MORN5: variants seen among roughly 807,000 people sequenced by gnomAD.
The protein encoded by MORN5 is MORN repeat-containing protein 5.
A neutral mutation model predicts 22.1 loss-of-function variants in MORN5; 21 were observed. The ratio of observed to expected loss-of-function variants is 0.95; its 90% CI spans 0.67 to 1.37. The LOEUF is 1.37. MORN5 is among the 40% of genes most tolerant of loss of function. The pLI, the probability that MORN5 is intolerant of heterozygous loss-of-function variation, is 0.00. For missense variants in MORN5, 211 were observed against 215.1 expected, an observed-to-expected ratio of 0.98 and a Z score of 0.12; for synonymous variants, 73 against 74.0, an observed-to-expected ratio of 0.99 and a Z score of 0.07.
At chr9:122,191,220 C>T (rs1252492142) in intron 4 of MORN5, among the ~76,000 whole-genome samples, 1 of 152,218 alleles carries the variant, frequency 6.6e-6, no homozygotes, top group South Asian at 2.1e-4. Flanking sequence ...ATGAGCCACA[C>T]ACCATGTGCA....
intron 4 of MORN5, among the ~76,000 whole-genome samples, chr9:122,189,902 G>A (rs995610712): frequency 1.3e-5 from 2 of 152,026 alleles, no homozygotes; most frequent in East Asian, 1.9e-4. Context: ...CACCGCACCC[G>A]GCCTATAAAA....
chr9:122,181,277 T>C (rs548200706), intron 4 of MORN5, among the ~76,000 whole-genome samples: 3 of 152,282 alleles, frequency 2.0e-5, no homozygotes, highest in Admixed American at 2.0e-4. Flanking sequence ...GCAGCATCAG[T>C]CATTTCTGGT....
In MORN5 at chr9:122,166,927, G is replaced by C. The variant is rs773952243; in HGVS notation, c.195+12G>C. 3.1e-5 allele frequency: 50 copies of C among 1,611,522 alleles called. No individual in the cohort carries two copies. Among genetic ancestry groups the C allele is most frequent in the Middle Eastern group, 1.6e-4 (1 of 6,080 alleles). ...GATTGGCCATAAAGGTGATCAGCTG[G>C]GGGGACGGATGCTGTGGAGGAGAGA... On this transcript the variant is annotated intron_variant, in intron 2 of 4. Coordinates refer to ENST00000373764, the MANE Select transcript of MORN5 (RefSeq NM_198469.4).
intron 4 of MORN5, among the ~76,000 whole-genome samples, chr9:122,179,980 C>T (rs1275581996): frequency 6.6e-6 from 1 of 152,234 alleles, no homozygotes; most frequent in Non-Finnish European, 1.5e-5. Flanking sequence ...GAAGCATATA[C>T]CACCTGGGTG....
At chr9:122,191,889 G>A (rs1169137878) in intron 4 of MORN5, among the ~76,000 whole-genome samples, 1 of 152,260 alleles carries the variant, frequency 6.6e-6, no homozygotes. Flanking sequence ...ATCCTGGCAG[G>A]GAACCAGAAG....
In MORN5 at chr9:122,198,864, G is replaced by C. The variant is rs1203648267; in HGVS notation, c.440-1021G>C. On this transcript the variant is annotated intron_variant, in intron 4 of 4. Transcript: ENST00000373764. ...CAACAAGAATAGATCTTGAGTGAAA[G>C]CTGTGAGACATAATGAAAGCCACAG... is the stretch of plus-strand genomic sequence containing the variant. Among the ~76,000 whole-genome samples, 3 of 152,218 alleles carry C rather than the reference G, an allele frequency of 2.0e-5. No homozygotes were observed. In the East Asian group the frequency reaches 5.8e-4, roughly 29 times the overall value.
At chr9:122,199,666 G>A (rs1028409770) in intron 4 of MORN5, among the ~76,000 whole-genome samples, 2 of 152,158 alleles carry the variant, frequency 1.3e-5, no homozygotes, top group Non-Finnish European at 2.9e-5. Context: ...TCCGCCAGCA[G>A]CACCCACAGT....
rs1052878551 is a variant in MORN5 at position 122,197,858 on chromosome 9, C to T, written c.440-2027C>T. Among the ~76,000 whole-genome samples the T allele has an allele frequency of 3.2e-4, 49 of 152,352 alleles. No homozygotes were observed. Among genetic ancestry groups the T allele is most frequent in the African/African-American group, 1.1e-3 (47 of 41,576 alleles). On this transcript the variant is annotated intron_variant, in intron 4 of 4. Coordinates refer to ENST00000373764, the MANE Select transcript of MORN5 (RefSeq NM_198469.4). This position sits in a 1 kb window ranked among gnomAD's most constrained non-coding sequence, Gnocchi z 5.7. ...AACTCCTTGTGTGCTGACACATCAT[C>T]GCTGCTTTCCCCACCCCTGGATTTC...
chr9:122,175,405 C>T, intron 4 of MORN5: 1 of 933,294 alleles, frequency 1.1e-6, no homozygotes, highest in Non-Finnish European at 1.3e-6. Flanking sequence ...CAAGGCTGAT[C>T]AGACTGAGAA....
At chr9:122,166,681 A>G in intron 1 of MORN5, 87 bp from the exon 2 acceptor site, 1 of 1,270,494 alleles carries the variant, frequency 7.9e-7, no homozygotes, top group Non-Finnish European at 1.1e-6. Context: ...GAATGCTGAG[A>G]ACGGGGTTCC....
chr9:122,167,353 C>G (rs1315154435), intron 2 of MORN5, among the ~76,000 whole-genome samples: 4 of 104,550 alleles, frequency 3.8e-5, no homozygotes, highest in African/African-American at 1.4e-4. Flanking sequence ...CGCACCTGAC[C>G]TTTTTTTTTT....
chr9:122,186,096 C>T (rs1040655892), intron 4 of MORN5, among the ~76,000 whole-genome samples: 1 of 152,210 alleles, frequency 6.6e-6, no homozygotes, highest in African/African-American at 2.4e-5. Flanking sequence ...CAAATGCCCG[C>T]ACCAATCACA....
intron 4 of MORN5, among the ~76,000 whole-genome samples, chr9:122,186,246 A>G (rs1222043728): frequency 6.6e-6 from 1 of 152,188 alleles, no homozygotes; most frequent in Non-Finnish European, 1.5e-5. Context: ...TATTTGGCAG[A>G]TGCAGAAACT....
intron 2 of MORN5, among the ~76,000 whole-genome samples, chr9:122,168,303 G>T (rs1434609294): frequency 6.6e-6 from 1 of 152,140 alleles, no homozygotes; most frequent in Admixed American, 6.5e-5. Context: ...CTAATCCAAG[G>T]ATTCTTACCC....
intron 4 of MORN5, among the ~76,000 whole-genome samples, chr9:122,189,530 G>T (rs1829712334): frequency 6.6e-6 from 1 of 152,290 alleles, no homozygotes; most frequent in South Asian, 2.1e-4. Context: ...CAGGAGTTCA[G>T]AGGCTGAAGT....
chr9:122,195,094 G>A (rs1018069377), intron 4 of MORN5, among the ~76,000 whole-genome samples: 1 of 151,916 alleles, frequency 6.6e-6, no homozygotes, highest in Non-Finnish European at 1.5e-5. Context: ...AAAAGGGAGT[G>A]AATGACATCA....
chr9:122,163,891 G>T (rs992762931), intron 1 of MORN5, among the ~76,000 whole-genome samples: 1 of 152,126 alleles, frequency 6.6e-6, no homozygotes, highest in African/African-American at 2.4e-5. Flanking sequence ...GGTTTTGAGG[G>T]GTTTGTTTGA....
At position 122,166,684 on chromosome 9, in the gene MORN5, G is replaced by A. The variant is rs1047455989; in HGVS notation, c.48-84G>A. On this transcript the variant is annotated intron_variant, in intron 1 of 4. Coordinates refer to ENST00000373764, the MANE Select transcript of MORN5 (RefSeq NM_198469.4). ...TGAGAAGGATGAGAATGCTGAGAAC[G>A]GGGTTCCTGCTCACTCTGTTGCCTG... 19 of 1,278,984 alleles carry A rather than the reference G, an allele frequency of 1.5e-5. No homozygotes were observed. The East Asian group carries it at 1.7e-4, about 11-fold the overall frequency. 79.2% of individuals were successfully genotyped at this position (1,278,984 alleles called of 1,614,324 possible). A position where few individuals can be genotyped will look rare whatever the true frequency, so the allele number is the denominator to read the frequency against.
chr9:122,175,874 G>A (rs1829442532), intron 4 of MORN5, among the ~76,000 whole-genome samples: 1 of 152,116 alleles, frequency 6.6e-6, no homozygotes, highest in African/African-American at 2.4e-5. Context: ...CAGCACTTTG[G>A]GAGGCCGAGG....
Sources: gnomAD v4.1 joint callset for allele counts (sites outside exome capture counted in the v4.1 genomes callset) on GRCh38, gnomAD v4.1.1 for gene constraint, Gnocchi (gnomAD v3.1) non-coding constraint, MANE v1.5 for transcripts, NCBI Gene and HGNC (gene_info 2026-07-23, HGNC 2026-07-21) for gene names.